Variants in ZNF679 observed in about 807,000 individuals in gnomAD.
ZNF679 encodes the protein hypothetical protein MGC42415.
A neutral mutation model predicts 13.4 loss-of-function variants in ZNF679; 10 were observed. The observed-to-expected ratio is 0.75, with a 90% CI of 0.46 to 1.27. The LOEUF is 1.27. Among genes scored for constraint, ZNF679 ranks in the 50% most tolerant of loss-of-function variants. The probability of loss-of-function intolerance (pLI) is 0.00; values close to 1 mark genes in which losing one functional copy is unlikely to be tolerated. For synonymous variants in ZNF679, 179 were observed against 162.5 expected (o/e 1.10, Z -0.77); for missense variants, 525 against 477.8 (o/e 1.10, Z -0.92).
intron 1 of ZNF679, among the ~76,000 whole-genome samples, chr7:64,244,885 T>C (rs1787845897): frequency 6.6e-6 from 1 of 152,162 alleles, no homozygotes; most frequent in Non-Finnish European, 1.5e-5. Flanking sequence ...ATAACACAAA[T>C]TTCAAAATTT....
intron 1 of ZNF679, among the ~76,000 whole-genome samples, chr7:64,235,097 C>G (rs1023037462): frequency 3.9e-5 from 6 of 152,096 alleles, no homozygotes; most frequent in African/African-American, 2.4e-5. Flanking sequence ...TTCAGCCTCC[C>G]GAAGTGCTGG....
intron 1 of ZNF679, among the ~76,000 whole-genome samples, chr7:64,238,092 G>T (rs1278566474): frequency 1.3e-5 from 2 of 152,060 alleles, no homozygotes; most frequent in African/African-American, 4.8e-5. Context: ...TATCTTCAGG[G>T]TTCACAAGAA....
rs376022989 is a variant in ZNF679, at chr7:64,266,284, C to T, written c.651C>T (p.Cys217=). The change falls in exon 5 of 5, where the codon TGC becomes TGT. Residue 217 remains cysteine, a synonymous_variant. Coordinates refer to ENST00000421025, the MANE Select transcript of ZNF679 (RefSeq NM_153363.3). ...AGAATTCCTACCAATGTGAAGAATG[C>T]GGCAAACCCTTCAACTGCTCTTCAA... The part of the protein sequence containing the change: ...TRENSYQCEE[C]GKPFNCSSTL... The T allele has an allele frequency of 2.2e-5, 35 of 1,598,910 alleles. No individual in the cohort carries two copies. The highest frequency in any genetic ancestry group is 1.3e-4 in the African/African-American group (10 of 74,376).
intron 4 of ZNF679, among the ~76,000 whole-genome samples, chr7:64,261,564 T>C (rs916145065): frequency 3.3e-5 from 5 of 152,150 alleles, no homozygotes; most frequent in Admixed American, 2.6e-4. Flanking sequence ...TGCTGTATTG[T>C]ATAATTTCAT....
Position 64,256,105 on chromosome 7 carries a change from TTC to T in ZNF679, c.40-4112_40-4111del, listed in dbSNP as rs959769151. 5.6e-4 allele frequency among the ~76,000 whole-genome samples: 85 copies of T among 152,274 alleles called. 1 individual carries two copies. Among genetic ancestry groups the T allele is most frequent in the African/African-American group, 1.9e-3 (81 of 41,572 alleles). On this transcript the variant is annotated intron_variant, in intron 2 of 4. Transcript: ENST00000421025. ...ACGCTGAACTGGGCTTCAGTGTCTG[TTC>T]TCTTATTTGTGTCCACGTGTTCTCA...
chr7:64,259,744 G>T (rs1179702088), intron 2 of ZNF679, among the ~76,000 whole-genome samples: 3 of 151,914 alleles, frequency 2.0e-5, no homozygotes, highest in Admixed American at 1.3e-4. Flanking sequence ...CCTGGCCAAC[G>T]TGGAGAAACC....
rs57119054 is a variant in ZNF679 at position 64,261,860 on chromosome 7, CT to C, written c.262+946del. Among the ~76,000 whole-genome samples, 290 of 137,324 alleles carry C rather than the reference CT, an allele frequency of 2.1e-3. 2 individuals are homozygous for C. Among genetic ancestry groups the C allele is most frequent in the Non-Finnish European group, 1.9e-3 (123 of 64,006 alleles). 90.1% of individuals were successfully genotyped at this position (137,324 alleles called of 152,430 possible). A position where few individuals can be genotyped will look rare whatever the true frequency, so the allele number is the denominator to read the frequency against. ...TAATCATTTGTCCAATTCTTTCTTT[CT>C]TTTTTTTTTTTTTTGAGACTGAGTT... On this transcript the variant is annotated intron_variant, in intron 4 of 4. Coordinates refer to ENST00000421025, the MANE Select transcript of ZNF679 (RefSeq NM_153363.3).
At chr7:64,236,076 C>A (rs1227519544) in intron 1 of ZNF679, among the ~76,000 whole-genome samples, 2 of 151,938 alleles carry the variant, frequency 1.3e-5, no homozygotes, top group Non-Finnish European at 2.9e-5. Flanking sequence ...ACCAGCCTGA[C>A]CAACATGGTG....
At chr7:64,246,304 C>T (rs754462361) in intron 1 of ZNF679, among the ~76,000 whole-genome samples, 9 of 152,276 alleles carry the variant, frequency 5.9e-5, no homozygotes, top group East Asian at 1.9e-4. Flanking sequence ...AGCCAATTGG[C>T]GATTCAGTCT....
At chr7:64,260,480 G>C (rs1289435317) in intron 3 of ZNF679, 133 bp downstream of exon 3, 3 of 1,378,928 alleles carry the variant, frequency 2.2e-6, no homozygotes, top group African/African-American at 3.0e-5. Flanking sequence ...GGATTCATTG[G>C]TGTAGAACAA....
At chr7:64,236,294 T>A (rs1327556436) in intron 1 of ZNF679, among the ~76,000 whole-genome samples, 1 of 152,000 alleles carries the variant, frequency 6.6e-6, no homozygotes, top group Non-Finnish European at 1.5e-5. Flanking sequence ...TTTTTTATTT[T>A]TAAGTTGAAT....
In ZNF679 at chr7:64,266,580, G is replaced by T. The variant is rs1788155146; in HGVS notation, c.947G>T (p.Arg316Ile). 6.2e-7 allele frequency: 1 copy of T among 1,607,608 alleles called. No homozygotes were observed. The highest frequency in any genetic ancestry group is 8.5e-7 in the Non-Finnish European group (1 of 1,174,492). ...TCCTCATCCCTCACTTACCACAAGA[G>T]AATTCATACTGGAGAGAAACCCTAC... ...SLSSSLTYHKRIHTGEKPYTC... is the reference protein window; with the variant it reads ...SLSSSLTYHKIIHTGEKPYTC... The change falls in exon 5 of 5, where the codon AGA becomes ATA. Residue 316 changes from arginine to isoleucine, a missense_variant. Transcript: ENST00000421025.
At chr7:64,254,946 G>A (rs936026078) in intron 2 of ZNF679, among the ~76,000 whole-genome samples, 2 of 143,932 alleles carry the variant, frequency 1.4e-5, no homozygotes, top group African/African-American at 2.5e-5. Context: ...GTTGCAGTGA[G>A]CTGAGATCAT....
At chr7:64,242,069 C>G (rs1235409758) in intron 1 of ZNF679, among the ~76,000 whole-genome samples, 5 of 152,190 alleles carry the variant, frequency 3.3e-5, no homozygotes. Context: ...AGCCCGAACC[C>G]CACTTATAAA....
intron 2 of ZNF679, among the ~76,000 whole-genome samples, chr7:64,250,471 T>C (rs1029587882): frequency 1.3e-5 from 2 of 151,948 alleles, no homozygotes; most frequent in Non-Finnish European, 2.9e-5. Context: ...AGTTTTGCCA[T>C]GTTGGACAGG....
At chr7:64,229,681 G>A (rs1050081013) in intron 1 of ZNF679, among the ~76,000 whole-genome samples, 1 of 152,134 alleles carries the variant, frequency 6.6e-6, no homozygotes, top group Non-Finnish European at 1.5e-5. Context: ...ATAAGGAAAT[G>A]CAGACCCTTA....
chr7:64,235,467 C>A (rs1409734179), intron 1 of ZNF679, among the ~76,000 whole-genome samples: 1 of 151,548 alleles, frequency 6.6e-6, no homozygotes, highest in African/African-American at 2.4e-5. Flanking sequence ...TGAAAAAGAA[C>A]AACTAAATAA....
chr7:64,231,958 A>T (rs1225508228), intron 1 of ZNF679, among the ~76,000 whole-genome samples: 1 of 152,238 alleles, frequency 6.6e-6, no homozygotes, highest in East Asian at 1.9e-4. Context: ...AGTTGAGTCT[A>T]TGCATGCAAT....
chr7:64,234,704 C>T (rs11763256), intron 1 of ZNF679, among the ~76,000 whole-genome samples: 106,081 of 151,990 alleles, frequency 0.7, 37,384 homozygotes, highest in East Asian at 0.9. Flanking sequence ...TACAGGACTA[C>T]GAGCTAGCAA....
Sources: gnomAD v4.1 joint callset for allele counts (sites outside exome capture counted in the v4.1 genomes callset) on GRCh38, gnomAD v4.1.1 for gene constraint, MANE v1.5 for transcripts, NCBI Gene and HGNC (gene_info 2026-07-23, HGNC 2026-07-21) for gene names.